The following STPG2 variants were observed in gnomAD, a reference collection of about 807,000 sequenced individuals.
STPG2 encodes the protein sperm-tail PG-rich repeat-containing protein 2.
STPG2 carries 56 observed loss-of-function variants against 54.2 expected under a neutral mutation model. That is an observed-to-expected ratio of 1.03 (90% CI 0.83 to 1.29). STPG2 has a LOEUF of 1.29. Among genes scored for constraint, STPG2 ranks in the 50% most tolerant of loss-of-function variants. The probability of loss-of-function intolerance (pLI) is 0.00; values close to 1 mark genes in which losing one functional copy is unlikely to be tolerated. For synonymous variants in STPG2, 200 were observed against 181.8 expected, an observed-to-expected ratio of 1.10 and a Z score of -0.81; for missense variants, 596 against 544.9, an observed-to-expected ratio of 1.09 and a Z score of -0.93.
At chr4:97,924,631 G>A (rs1031748452) in intron 8 of STPG2, among the ~76,000 whole-genome samples, 9 of 152,028 alleles carry the variant, frequency 5.9e-5, no homozygotes, top group Non-Finnish European at 1.3e-4. Flanking sequence ...CTAATGCAAG[G>A]TTTACTCTTC....
At chr4:98,015,431 T>A (rs928457965) in intron 5 of STPG2, among the ~76,000 whole-genome samples, 3 of 152,174 alleles carry the variant, frequency 2.0e-5, no homozygotes, top group Non-Finnish European at 2.9e-5. Context: ...AGAAGACATT[T>A]ATGCGGCCAA....
chr4:98,089,197 AC>A (rs1233219018), intron 5 of STPG2, among the ~76,000 whole-genome samples: 2 of 151,472 alleles, frequency 1.3e-5, no homozygotes, highest in African/African-American at 2.4e-5. Context: ...TTTATCCATG[AC>A]CCCCCTCCCA....
At chr4:97,451,443 G>T (rs1423855658) in intron 4 of STPG2, among the ~76,000 whole-genome samples, 1 of 151,984 alleles carries the variant, frequency 6.6e-6, no homozygotes, top group Admixed American at 6.6e-5. Context: ...AGGTAGAACA[G>T]CAATGAACTT....
chr4:98,000,134 C>T (rs1011958029), intron 5 of STPG2, among the ~76,000 whole-genome samples: 18 of 152,040 alleles, frequency 1.2e-4, no homozygotes, highest in African/African-American at 3.6e-4. Flanking sequence ...CTATATTTTC[C>T]AGCTAACATC....
intron 10 of STPG2, among the ~76,000 whole-genome samples, chr4:97,605,819 GAA>G (rs148109387): frequency 6.9e-6 from 1 of 145,196 alleles, no homozygotes; most frequent in Non-Finnish European, 1.5e-5. Flanking sequence ...ACAAAAAAAA[GAA>G]AAAAAAAATC....
intron 10 of STPG2, among the ~76,000 whole-genome samples, chr4:97,592,448 C>T (rs1733169340): frequency 6.6e-6 from 1 of 152,072 alleles, no homozygotes. Context: ...ATAAAGCCTA[C>T]TTTTATTATG....
intron 4 of STPG2, among the ~76,000 whole-genome samples, chr4:97,511,806 T>C (rs1345514716): frequency 6.7e-6 from 1 of 149,910 alleles, no homozygotes; most frequent in African/African-American, 2.4e-5. Context: ...ATTTCCTACA[T>C]AAAAAAAAAT....
At chr4:97,553,585 T>C (rs1268554989) in intron 4 of STPG2, among the ~76,000 whole-genome samples, 5 of 152,278 alleles carry the variant, frequency 3.3e-5, no homozygotes, top group African/African-American at 9.6e-5. Flanking sequence ...TAAAAAAAAG[T>C]ATTCTAGACA....
intron 10 of STPG2, among the ~76,000 whole-genome samples, chr4:97,681,412 C>A (rs1031997901): frequency 2.0e-5 from 3 of 151,494 alleles, no homozygotes; most frequent in Non-Finnish European, 4.4e-5. Context: ...ATCAGTGAAG[C>A]CTGATTTTAT....
At chr4:97,696,994 G>T (rs1433080459) in intron 10 of STPG2, among the ~76,000 whole-genome samples, 2 of 152,186 alleles carry the variant, frequency 1.3e-5, no homozygotes, top group East Asian at 3.9e-4. Flanking sequence ...ACAGGCATAG[G>T]TGCTGTGCAA....
chr4:97,806,925 T>G (rs1345090531), intron 9 of STPG2, among the ~76,000 whole-genome samples: 1 of 152,100 alleles, frequency 6.6e-6, no homozygotes, highest in African/African-American at 2.4e-5. Flanking sequence ...CTGACTTCTT[T>G]CTCCTTTTCT....
In STPG2 at chr4:97,548,758, GA is replaced by G. The variant is rs559548577; in HGVS notation, c.462+163940del. Among the ~76,000 whole-genome samples the G allele has an allele frequency of 3.5e-3, 528 of 152,082 alleles. 4 individuals carry two copies. The highest frequency in any genetic ancestry group is 0.012 in the African/African-American group (491 of 41,516). Reference sequence around the variant, plus strand: ...TGAAAATACTTTTTGTTTCTAAACAGAAAAAAGACACTTTGCAAATTCTGAT... The same window carrying G: ...TGAAAATACTTTTTGTTTCTAAACAGAAAAAGACACTTTGCAAATTCTGAT... On this transcript the variant is annotated intron_variant, in intron 4 of 4. Transcript: ENST00000522676.
chr4:98,051,515 T>G (rs1247571715), intron 5 of STPG2, among the ~76,000 whole-genome samples: 1 of 152,078 alleles, frequency 6.6e-6, no homozygotes, highest in Non-Finnish European at 1.5e-5. Flanking sequence ...AAGACAGACC[T>G]GAGCTGACAT....
intron 4 of STPG2, among the ~76,000 whole-genome samples, chr4:97,491,259 A>G (rs1228454016): frequency 1.3e-5 from 2 of 151,538 alleles, no homozygotes; most frequent in East Asian, 3.9e-4. Flanking sequence ...GGAGAAAACA[A>G]CTTGCCCTCA....
downstream of STPG2, among the ~76,000 whole-genome samples, chr4:97,557,219 G>T (rs1182181509): frequency 6.6e-6 from 1 of 151,900 alleles, no homozygotes; most frequent in Non-Finnish European, 1.5e-5. Context: ...TAGGAAGTTT[G>T]TGCCAGCATA....
intron 5 of STPG2, among the ~76,000 whole-genome samples, chr4:98,064,184 G>A (rs564386892): frequency 1.3e-5 from 2 of 152,224 alleles, no homozygotes; most frequent in South Asian, 2.1e-4. Context: ...AATTATAAAA[G>A]TCAACAAATA....
At chr4:97,631,664 A>G (rs1336503008) in intron 10 of STPG2, among the ~76,000 whole-genome samples, 1 of 152,046 alleles carries the variant, frequency 6.6e-6, no homozygotes, top group Non-Finnish European at 1.5e-5. Flanking sequence ...GTACAAAGTT[A>G]TTACACACTA....
chr4:97,695,088 CAA>C (rs34399400), intron 10 of STPG2, among the ~76,000 whole-genome samples: 2 of 138,446 alleles, frequency 1.4e-5, no homozygotes, highest in Admixed American at 7.1e-5. Context: ...AAAAATCCTC[CAA>C]AAAAAAAAAA....
chr4:97,874,633 T>C lies in STPG2; in HGVS notation c.1045-33701A>G, dbSNP rs112459601. 6.8e-3 allele frequency among the ~76,000 whole-genome samples: 1,040 copies of C among 151,962 alleles called. 6 individuals carry two copies. The highest frequency in any genetic ancestry group is 9.2e-3 in the African/African-American group (381 of 41,542). The stretch of plus-strand genomic sequence containing the variant: ...CAAATATTTCATAGTATTTTGTTTC[T>C]GGTTTCCTTCACTCAGCATTATGAT... On this transcript the variant is annotated intron_variant, in intron 8 of 10. Coordinates refer to ENST00000295268, the MANE Select transcript of STPG2 (RefSeq NM_174952.3).
Sources: allele counts gnomAD v4.1 joint callset (sites outside exome capture counted in the v4.1 genomes callset), GRCh38; gene constraint gnomAD v4.1.1; transcripts MANE v1.5; gene names NCBI Gene and HGNC (gene_info 2026-07-23, HGNC 2026-07-21).